Variants in YBX3 observed in about 807,000 individuals in gnomAD.
YBX3 encodes the protein Y-box binding protein 3.
A neutral mutation model predicts 42.4 loss-of-function variants in YBX3; 29 were observed. The observed-to-expected ratio is 0.68, with a 90% CI of 0.51 to 0.93. YBX3 has a LOEUF of 0.93. Among genes scored for constraint, YBX3 ranks in the 40% least tolerant of loss-of-function variants. The pLI, the probability that YBX3 is intolerant of heterozygous loss-of-function variation, is 0.00. For synonymous variants in YBX3, 195 were observed against 189.8 expected, an observed-to-expected ratio of 1.03 and a Z score of -0.22; for missense variants, 517 against 527.5, an observed-to-expected ratio of 0.98 and a Z score of 0.19.
rs192681904 is a variant in YBX3, at chr12:10,706,611, T to C, written c.781-2463A>G. On this transcript the variant is annotated intron_variant, in intron 6 of 9. Transcript: ENST00000228251. ...CTTTGCTAGACAATCCTCATCTTCC[T>C]AATCTTTAATCGTTGGTGTGTCCCA... Among the ~76,000 whole-genome samples, 248 of 152,336 alleles carry C rather than the reference T, an allele frequency of 1.6e-3. 1 individual carries two copies. Among genetic ancestry groups the C allele is most frequent in the African/African-American group, 5.8e-3 (241 of 41,562 alleles).
chr12:10,714,776 A>T (rs10845209), intron 4 of YBX3, among the ~76,000 whole-genome samples: 45,249 of 149,264 alleles, frequency 0.3, 7,229 homozygotes, highest in East Asian at 0.62. Context: ...TTTTTTTTTT[A>T]AAAAACGGAA....
chr12:10,704,292 CTATT>C (rs1234993156), intron 6 of YBX3, 144 bp from the exon 7 acceptor site: 10 of 594,592 alleles, frequency 1.7e-5, no homozygotes, highest in Admixed American at 6.0e-5. Flanking sequence ...GCAACACAAA[CTATT>C]TATGAGTAAA....
intron 7 of YBX3, chr12:10,702,510 C>T (rs1948093447): frequency 6.5e-6 from 1 of 152,688 alleles, no homozygotes; most frequent in African/African-American, 2.5e-5. Context: ...AGGGAGACTC[C>T]ATCTCAAAAT....
rs75023229 is a variant in YBX3, at chr12:10,709,982, G to C, written c.706C>G (p.Arg236Gly). 1.9e-6 allele frequency: 3 copies of C among 1,614,040 alleles called. No homozygotes were observed. The highest frequency in any genetic ancestry group is 1.6e-4 in the Middle Eastern group (1 of 6,062). Residue 236 changes from arginine (R) to glycine (G), a missense_variant, in exon 6 of 10, where the codon CGG (arginine) becomes GGG (glycine). Physicochemically the swap from Arg to Gly is moderately radical, Grantham distance 125. Coordinates refer to ENST00000228251, the MANE Select transcript of YBX3 (RefSeq NM_003651.5). ...PQYRPQYRQR[R>G]FPPYHVGQTF... ...TGTCCCACGTGGTAAGGCGGGAACCGCCGCTGCCGGTACTGAGGGCGATAC... is the reference window on the plus strand; with the variant it reads ...TGTCCCACGTGGTAAGGCGGGAACCCCCGCTGCCGGTACTGAGGGCGATAC...
intron 1 of YBX3, chr12:10,722,141 G>A (rs1457997238): frequency 6.6e-6 from 1 of 152,288 alleles, no homozygotes; most frequent in Non-Finnish European, 1.5e-5. Flanking sequence ...GAAGCGTGTA[G>A]CCATTGGTGG....
intron 5 of YBX3, chr12:10,710,798 T>C (rs960332893): frequency 7.0e-6 from 2 of 286,578 alleles, no homozygotes; most frequent in Admixed American, 8.4e-5. Flanking sequence ...TCTGCAAAAG[T>C]ATAAAGCAAT....
At chr12:10,701,916 TTA>T (rs1591720924) in intron 8 of YBX3, 42 bp downstream of exon 8, 2 of 1,569,516 alleles carry the variant, frequency 1.3e-6, no homozygotes, top group East Asian at 4.5e-5. Context: ...TCTGACATGA[TTA>T]AAGACTATCT....
chr12:10,723,251 T>G lies in YBX3; in HGVS notation c.-140A>C. The G allele has an allele frequency of 8.6e-7, 1 of 1,159,598 alleles. No homozygotes were observed. The highest frequency in any genetic ancestry group is 3.5e-4 in the Middle Eastern group (1 of 2,860). 71.8% of individuals were successfully genotyped at this position (1,159,598 alleles called of 1,614,324 possible). A position where few individuals can be genotyped will look rare whatever the true frequency, so the allele number is the denominator to read the frequency against. ...GCGGCGCAGGCGGCGGCGGCCGAGG[T>G]GGGGTCGCGCGGCGGAGGCGGCTCG... On this transcript the variant is annotated 5_prime_UTR_variant, in exon 1 of 10. Coordinates refer to ENST00000228251, the MANE Select transcript of YBX3 (RefSeq NM_003651.5).
intron 1 of YBX3, among the ~76,000 whole-genome samples, chr12:10,721,763 C>T (rs887235507): frequency 6.6e-6 from 1 of 152,140 alleles, no homozygotes; most frequent in Non-Finnish European, 1.5e-5. Flanking sequence ...CATGCCCCAC[C>T]CCAAATAGTG....
At chr12:10,722,779 C>T in intron 1 of YBX3, 71 bp downstream of exon 1, 4 of 1,285,410 alleles carry the variant, frequency 3.1e-6, no homozygotes, top group Non-Finnish European at 3.0e-6. Flanking sequence ...GCGCGAGCTG[C>T]CCACACGTGC....
chr12:10,706,115 T>A (rs941513510), intron 6 of YBX3, among the ~76,000 whole-genome samples: 5 of 152,224 alleles, frequency 3.3e-5, no homozygotes, highest in Non-Finnish European at 5.9e-5. Flanking sequence ...GTTACACATA[T>A]ATGTGTGTCT....
At chr12:10,704,992 C>T (rs1002192808) in intron 6 of YBX3, among the ~76,000 whole-genome samples, 1 of 152,290 alleles carries the variant, frequency 6.6e-6, no homozygotes, top group East Asian at 1.9e-4. Flanking sequence ...TTCTCAGATC[C>T]CATTCAAGTT....
In YBX3 at chr12:10,723,096, C is replaced by G; in HGVS notation, c.16G>C (p.Glu6Gln). Reference sequence around the variant, plus strand: ...GTGGTGGTGGTGGTGGTGGTGGCCTCGCCCGCCTCACTCATGCCTCCTCCT... The same window carrying G: ...GTGGTGGTGGTGGTGGTGGTGGCCTGGCCCGCCTCACTCATGCCTCCTCCT... MSEAG[E>Q]ATTTTTTTLP... The change falls in exon 1 of 10, where the codon GAG becomes CAG. Residue 6 changes from glutamate (E) to glutamine (Q), a missense_variant. Around this residue, in one of 3 missense-constraint regions of YBX3, gnomAD observed 86 missense variants for 82.5 expected, o/e 1.04. Coordinates refer to ENST00000228251, the MANE Select transcript of YBX3 (RefSeq NM_003651.5). 8.3e-7 allele frequency: 1 copy of G among 1,206,618 alleles called. No individual in the cohort carries two copies. The highest frequency in any genetic ancestry group is 1.6e-5 in the African/African-American group (1 of 63,100). The allele number at this position is 1,206,618 out of a possible 1,614,324, so 74.7% of individuals were successfully genotyped here.
chr12:10,713,041 A>G, intron 5 of YBX3, 170 bp downstream of exon 5: 1 of 904,140 alleles, frequency 1.1e-6, no homozygotes, highest in Non-Finnish European at 1.6e-6. Context: ...GAAATCAATA[A>G]TACACATTTT....
At position 10,702,112 on chromosome 12, in the gene YBX3, G is replaced by A. The variant is rs1565585176; in HGVS notation, c.901C>T (p.Pro301Ser). The change falls in exon 8 of 10, where the codon CCT (proline) becomes TCT (serine). Residue 301 changes from proline to serine, a missense_variant. Transcript: ENST00000228251. ...YRSRGPPRPR[P>S]APAVGEAEDK... ...TCAGCCTCTCCAACTGCTGGGGCAGGTCGTGGGCGAGGAGGTCCCCTGCTG... is the reference window on the plus strand; with the variant it reads ...TCAGCCTCTCCAACTGCTGGGGCAGATCGTGGGCGAGGAGGTCCCCTGCTG... 1.2e-6 allele frequency: 2 copies of A among 1,614,098 alleles called. No individual in the cohort carries two copies. The highest frequency in any genetic ancestry group is 1.1e-5 in the South Asian group (1 of 91,054).
intron 7 of YBX3, 139 bp downstream of exon 7, chr12:10,703,897 ATGTCACACCACCACC>A: frequency 1.6e-6 from 1 of 626,054 alleles, no homozygotes; most frequent in Non-Finnish European, 2.8e-6. Flanking sequence ...TAGGTGGGAA[ATGTCACACCACCACC>A]TGAAAACTCT....
rs745854460 is a variant in YBX3 at position 10,715,753 on chromosome 12, A to G, written c.391T>C (p.Tyr131His). The change falls in exon 4 of 10, where the codon TAT becomes CAT. Residue 131 changes from tyrosine to histidine, a missense_variant. By Grantham distance (83) the Tyr-to-His change is moderately conservative. Transcript: ENST00000228251. Reference sequence around the variant, plus strand: ...TCTCCATCTCCTACACTGCGCAGATATTTCCGTGGGTTATTCTTCTTGATG... The same window carrying G: ...TCTCCATCTCCTACACTGCGCAGATGTTTCCGTGGGTTATTCTTCTTGATG... ...TAIKKNNPRK[Y>H]LRSVGDGETV... 1 of 1,613,992 alleles carries G rather than the reference A, an allele frequency of 6.2e-7. No homozygotes were observed. The highest frequency in any genetic ancestry group is 1.1e-5 in the South Asian group (1 of 91,068).
At chr12:10,699,732 T>C (rs1218723000) in intron 9 of YBX3, 78 bp from the exon 10 acceptor site, 3 of 152,646 alleles carry the variant, frequency 2.0e-5, no homozygotes, top group African/African-American at 4.8e-5. Context: ...AGAAATTATA[T>C]GCTTTTCATA....
chr12:10,718,027 T>C (rs1948282025), intron 3 of YBX3, 61 bp downstream of exon 3: 2 of 1,432,312 alleles, frequency 1.4e-6, no homozygotes, highest in Middle Eastern at 1.8e-4. Flanking sequence ...GGGAAAGGGC[T>C]GACAGAAGAT....
Sources: gnomAD v4.1 joint callset for allele counts (sites outside exome capture counted in the v4.1 genomes callset) on GRCh38, gnomAD v4.1.1 for gene constraint, gnomAD v4.1.1 regional missense constraint, MANE v1.5 for transcripts, NCBI Gene and HGNC (gene_info 2026-07-23, HGNC 2026-07-21) for gene names.